Variants in CREB5 observed in about 807,000 individuals in gnomAD.
The protein encoded by CREB5 is cyclic AMP-responsive element-binding protein 5.
In CREB5, 19 loss-of-function variants were observed where a neutral mutation model predicts 57.1. The ratio of observed to expected loss-of-function variants is 0.33; its 90% CI spans 0.23 to 0.49. CREB5 has a LOEUF of 0.49. CREB5 is among the 20% of genes least tolerant of loss of function. The pLI is 0.99. For synonymous variants in CREB5, 238 were observed against 238.3 expected (o/e 1.00, Z 0.01); for missense variants, 579 against 671.6 (o/e 0.86, Z 1.52).
intron 7 of CREB5, among the ~76,000 whole-genome samples, chr7:28,801,691 T>C (rs937183895): frequency 6.6e-6 from 1 of 152,222 alleles, no homozygotes; most frequent in African/African-American, 2.4e-5. Flanking sequence ...GCTGACTTCA[T>C]TGCAAAGCAT....
intron 7 of CREB5, among the ~76,000 whole-genome samples, chr7:28,798,761 G>A (rs886509642): frequency 1.3e-5 from 2 of 152,132 alleles, no homozygotes; most frequent in Non-Finnish European, 2.9e-5. Flanking sequence ...ACAGAAAGTC[G>A]ACAAGAATCA....
At chr7:28,387,071 A>G (rs1227338928) in intron 1 of CREB5, among the ~76,000 whole-genome samples, 2 of 152,182 alleles carry the variant, frequency 1.3e-5, no homozygotes, top group Non-Finnish European at 2.9e-5. Context: ...AGAATGATTT[A>G]TATTCCTTTG....
At chr7:28,579,884 C>T (rs950837203) in intron 5 of CREB5, among the ~76,000 whole-genome samples, 5 of 152,134 alleles carry the variant, frequency 3.3e-5, no homozygotes, top group African/African-American at 9.7e-5. Flanking sequence ...GGAGGCTAAG[C>T]ATTTGACCGA....
chr7:28,793,031 C>T (rs1031370445), intron 7 of CREB5, among the ~76,000 whole-genome samples: 4 of 152,070 alleles, frequency 2.6e-5, no homozygotes, highest in African/African-American at 9.7e-5. Context: ...TAATAGCAAG[C>T]CAAAGGAAGT....
intron 7 of CREB5, among the ~76,000 whole-genome samples, chr7:28,800,850 G>C (rs1808322420): frequency 6.6e-6 from 1 of 152,154 alleles, no homozygotes. Context: ...TTGATGATGG[G>C]GAGGTGGCAA....
chr7:28,382,194 T>A (rs2127996107), intron 1 of CREB5, among the ~76,000 whole-genome samples: 1 of 152,340 alleles, frequency 6.6e-6, no homozygotes, highest in South Asian at 2.1e-4. Flanking sequence ...ATGCTTCCTC[T>A]GCCTCTGTGT....
intron 1 of CREB5, among the ~76,000 whole-genome samples, chr7:28,349,329 G>A (rs1485827334): frequency 6.6e-6 from 1 of 152,102 alleles, no homozygotes; most frequent in Non-Finnish European, 1.5e-5. Context: ...AGTTTAGACA[G>A]ATCGAACAGT....
chr7:28,743,505 C>T (rs1248597409), intron 7 of CREB5, among the ~76,000 whole-genome samples: 1 of 152,170 alleles, frequency 6.6e-6, no homozygotes, highest in African/African-American at 2.4e-5. Context: ...TACACTCTAG[C>T]TTGGCATCAG....
chr7:28,325,399 G>A (rs1195600310), intron 1 of CREB5, among the ~76,000 whole-genome samples: 1 of 151,452 alleles, frequency 6.6e-6, no homozygotes, highest in African/African-American at 2.4e-5. Context: ...AGCTTGCAGT[G>A]AGCCAAGATC....
At chr7:28,804,108 A>G in intron 7 of CREB5, 91 bp from the exon 8 acceptor site, 1 of 1,209,882 alleles carries the variant, frequency 8.3e-7, no homozygotes, top group Middle Eastern at 2.0e-4. Context: ...AAAATATAGA[A>G]TTGAAAATGT....
chr7:28,416,276 A>C (rs372176083), intron 1 of CREB5, among the ~76,000 whole-genome samples: 6 of 152,308 alleles, frequency 3.9e-5, no homozygotes, highest in African/African-American at 1.4e-4. Context: ...AATAGAACAC[A>C]TTTCAGCCAG....
At chr7:28,392,519 G>T (rs1483335665) in intron 1 of CREB5, among the ~76,000 whole-genome samples, 1 of 152,166 alleles carries the variant, frequency 6.6e-6, no homozygotes, top group African/African-American at 2.4e-5. Context: ...GTTATGCCTT[G>T]CTTCTGACAG....
intron 5 of CREB5, among the ~76,000 whole-genome samples, chr7:28,689,615 G>A (rs1256793928): frequency 6.6e-6 from 1 of 152,002 alleles, no homozygotes; most frequent in Non-Finnish European, 1.5e-5. Flanking sequence ...CTGCGTTCCT[G>A]TATGAACAAG....
chr7:28,489,339 G>T (rs1284413819), intron 2 of CREB5, among the ~76,000 whole-genome samples: 1 of 124,162 alleles, frequency 8.1e-6, no homozygotes, highest in East Asian at 2.2e-4. Context: ...TCGCTCTGTC[G>T]CCCAGGCTGG....
intron 1 of CREB5, among the ~76,000 whole-genome samples, chr7:28,337,141 A>C (rs2098197): frequency 0.011 from 1,682 of 152,048 alleles, 34 homozygotes; most frequent in African/African-American, 0.038. Flanking sequence ...GAATGATCCA[A>C]GTGCTGAGGA....
chr7:28,427,704 C>T (rs11983810), intron 1 of CREB5, among the ~76,000 whole-genome samples: 8,005 of 152,192 alleles, frequency 0.053, 653 homozygotes, highest in African/African-American at 0.17. Context: ...CTGCCCTCCT[C>T]CTCACCCCTC....
intron 1 of CREB5, among the ~76,000 whole-genome samples, chr7:28,349,430 C>G (rs1250702519): frequency 6.6e-6 from 1 of 151,652 alleles, no homozygotes; most frequent in African/African-American, 2.4e-5. Context: ...CAAATTCCCC[C>G]CATTCCCATT....
At chr7:28,661,947 G>A (rs1230199997) in intron 5 of CREB5, among the ~76,000 whole-genome samples, 2 of 152,190 alleles carry the variant, frequency 1.3e-5, no homozygotes, top group Non-Finnish European at 2.9e-5. Context: ...TCTGTACTTA[G>A]GCAGAAACAT....
intron 8 of CREB5, among the ~76,000 whole-genome samples, chr7:28,807,877 GA>G (rs1377417128): frequency 3.3e-5 from 5 of 152,128 alleles, no homozygotes; most frequent in South Asian, 4.1e-4. Context: ...GACATATAAA[GA>G]AAAGAGTCAG....
Sources: gnomAD v4.1 joint callset for allele counts (sites outside exome capture counted in the v4.1 genomes callset) on GRCh38, gnomAD v4.1.1 for gene constraint, MANE v1.5 for transcripts, NCBI Gene and HGNC (gene_info 2026-07-23, HGNC 2026-07-21) for gene names.